The following PPA1 variants were observed in gnomAD, a reference collection of about 807,000 sequenced individuals.
PPA1 encodes the protein inorganic pyrophosphatase.
In PPA1, 23 loss-of-function variants were observed where a neutral mutation model predicts 41.8. The ratio of observed to expected loss-of-function variants is 0.55; its 90% CI spans 0.40 to 0.78. The LOEUF (loss-of-function observed/expected upper bound fraction) is 0.78. Among genes scored for constraint, PPA1 ranks in the 30% least tolerant of loss-of-function variants. The pLI is 0.00. For missense variants in PPA1, 320 were observed against 361.6 expected, an observed-to-expected ratio of 0.89 and a Z score of 0.93; for synonymous variants, 101 against 116.8, an observed-to-expected ratio of 0.86 and a Z score of 0.87.
chr10:70,213,228 G>C (rs1840042194), intron 6 of PPA1, among the ~76,000 whole-genome samples: 1 of 152,010 alleles, frequency 6.6e-6, no homozygotes, highest in Admixed American at 6.6e-5. Context: ...ATGTGGGGAA[G>C]GAAAGGACCA....
At chr10:70,221,080 T>TATATATATATATATATATA (rs1840161942) in intron 2 of PPA1, among the ~76,000 whole-genome samples, 1 of 13,030 alleles carries the variant, frequency 7.7e-5, no homozygotes, top group African/African-American at 3.2e-4. Context: ...ATATATATTT[T>TATATATATATATATATATA]TTTTTTTTTT....
Position 70,218,769 on chromosome 10 carries a change from T to C in PPA1, c.172A>G (p.Met58Val). 2 of 1,608,482 alleles carry C rather than the reference T, an allele frequency of 1.2e-6. No homozygotes were observed. Among genetic ancestry groups the C allele is most frequent in the Non-Finnish European group, 1.7e-6 (2 of 1,175,110 alleles). The change falls in exon 3 of 11, where the codon ATG becomes GTG. Residue 58 changes from methionine to valine, a missense_variant. Coordinates refer to ENST00000373232, the MANE Select transcript of PPA1 (RefSeq NM_021129.4). ...AATGTAAGGTGAAATATTACCTCCA[T>C]TTTTGCATTAGACCAGCGTGGTACT... ...VEVPRWSNAK[M>V]EIATKDPLNP... is the part of the protein sequence containing the mutation.
intron 3 of PPA1, 50 bp downstream of exon 3, chr10:70,218,714 G>T (rs751529718): frequency 1.4e-6 from 2 of 1,425,398 alleles, no homozygotes; most frequent in Admixed American, 1.7e-5. Flanking sequence ...AGTGTGACTA[G>T]ATCAAAACCA....
rs771302795 is a variant in PPA1 at position 70,209,601 on chromosome 10, T to A, written c.596A>T (p.Lys199Ile). 2 of 1,607,218 alleles carry A rather than the reference T, an allele frequency of 1.2e-6. No individual in the cohort carries two copies. Among genetic ancestry groups the A allele is most frequent in the Admixed American group, 3.5e-5 (2 of 57,824 alleles). ...WFRRYKVPDG[K>I]PENEFAFNAE... ...ATTAAACGCAAACTCATTTTCTGGT[T>A]TTCCATCAGGAACCTTATACCTTCT... The change falls in exon 7 of 11, where the codon AAA (lysine) becomes ATA (isoleucine). Residue 199 changes from lysine (K) to isoleucine (I), a missense_variant. By Grantham distance (102) the Lys-to-Ile change is moderately radical (BLOSUM62 -3). Coordinates refer to ENST00000373232, the MANE Select transcript of PPA1 (RefSeq NM_021129.4).
At chr10:70,226,458 C>CT (rs1189235843) in intron 2 of PPA1, among the ~76,000 whole-genome samples, 4 of 151,560 alleles carry the variant, frequency 2.6e-5, no homozygotes, top group Non-Finnish European at 5.9e-5. Context: ...ACTCAGGAGA[C>CT]TGAGGTGGGA....
intron 2 of PPA1, among the ~76,000 whole-genome samples, chr10:70,223,894 C>T (rs1038720204): frequency 1.3e-5 from 2 of 152,144 alleles, no homozygotes; most frequent in East Asian, 1.9e-4. Context: ...TAGGACTTCC[C>T]AGAACTCCAT....
At chr10:70,220,424 G>A (rs1280389191) in intron 2 of PPA1, among the ~76,000 whole-genome samples, 1 of 135,670 alleles carries the variant, frequency 7.4e-6, no homozygotes, top group Non-Finnish European at 1.5e-5. Flanking sequence ...AGCTAATTGT[G>A]TGTGTGTGTA....
chr10:70,210,045 A>T, intron 6 of PPA1: 1 of 312,896 alleles, frequency 3.2e-6, no homozygotes, highest in Non-Finnish European at 6.1e-6. Context: ...GATAATTCCT[A>T]TGAGAAGTGT....
In PPA1 at chr10:70,204,898, T is replaced by G; in HGVS notation, c.813A>C (p.Glu271Asp). The change falls in exon 10 of 11, where the codon GAA (glutamate) becomes GAC (aspartate). Residue 271 changes from glutamate (E) to aspartate (D), a missense_variant. Transcript: ENST00000373232. ...AIVDALPPPC[E>D]SACTVPTDVD... The stretch of plus-strand genomic sequence containing the variant: ...CGTCTGTTGGTACTGTGCAGGCAGA[T>G]TCACAGGGTGGTGGTAACTAAAATA... The G allele has an allele frequency of 6.3e-7, 1 of 1,596,642 alleles. No homozygotes were observed. Among genetic ancestry groups the G allele is most frequent in the Non-Finnish European group, 8.6e-7 (1 of 1,167,938 alleles).
chr10:70,222,549 T>C (rs10999196), intron 2 of PPA1, among the ~76,000 whole-genome samples: 36,665 of 152,022 alleles, frequency 0.24, 5,479 homozygotes, highest in Non-Finnish European at 0.33. Context: ...AATCAGGTAC[T>C]TCCTGCTGGT....
In PPA1 at chr10:70,206,283, G is replaced by A; in HGVS notation, c.776C>T (p.Ala259Val). The change falls in exon 9 of 11, where the codon GCC (alanine) becomes GTC (valine). Residue 259 changes from alanine to valine, a missense_variant. Physicochemically the swap from Ala to Val is moderately conservative, Grantham distance 64. Coordinates refer to ENST00000373232, the MANE Select transcript of PPA1 (RefSeq NM_021129.4). ...ACATACAGCATCCACAATGGCTCTG[G>A]CAGCATCAGGATCACACTTGAAGGG... ...ESPFKCDPDAARAIVDALPPP... is the reference protein window; with the variant it reads ...ESPFKCDPDAVRAIVDALPPP... 6.2e-7 allele frequency: 1 copy of A among 1,613,118 alleles called. No homozygotes were observed. Among genetic ancestry groups the A allele is most frequent in the Non-Finnish European group, 8.5e-7 (1 of 1,179,238 alleles).
At chr10:70,212,923 G>C (rs1302399304) in intron 6 of PPA1, among the ~76,000 whole-genome samples, 1 of 151,788 alleles carries the variant, frequency 6.6e-6, no homozygotes, top group Non-Finnish European at 1.5e-5. Flanking sequence ...AGACACAGAG[G>C]CCACCTATAT....
chr10:70,207,292 C>A (rs1839956691), intron 8 of PPA1, among the ~76,000 whole-genome samples: 2 of 152,010 alleles, frequency 1.3e-5, no homozygotes, highest in South Asian at 4.1e-4. Flanking sequence ...AATAGTTTAT[C>A]CTTCTTTGCA....
intron 1 of PPA1, among the ~76,000 whole-genome samples, chr10:70,232,954 C>T (rs1010751780): frequency 6.6e-6 from 1 of 152,104 alleles, no homozygotes; most frequent in Non-Finnish European, 1.5e-5. Context: ...CGGTGATTTC[C>T]TTTTCCCAAC....
rs528280964 is a variant in PPA1, at chr10:70,220,237, A to G, written c.124-1420T>C. Among the ~76,000 whole-genome samples, 36 of 139,702 alleles carry G rather than the reference A, an allele frequency of 2.6e-4. No homozygotes were observed. In the South Asian group the frequency reaches 5.5e-3, roughly 21 times the overall value. The allele number at this position is 139,702 out of a possible 152,430, so 91.6% of individuals were successfully genotyped here. On this transcript the variant is annotated intron_variant, in intron 2 of 10. Transcript: ENST00000373232. ...AAGCCACCGCACCTGGCCTGCAATT[A>G]TGCTTATAAAAAGTACTTTTTTTTT...
intron 2 of PPA1, among the ~76,000 whole-genome samples, chr10:70,225,006 C>T (rs1258514109): frequency 6.6e-6 from 1 of 152,208 alleles, no homozygotes; most frequent in Non-Finnish European, 1.5e-5. Context: ...GTTGGGATTA[C>T]AGGCATGAGC....
chr10:70,233,251 C>T lies in PPA1; in HGVS notation c.64+13G>A, dbSNP rs1840312641. ...GGACGGGCGCGGAGGGGCCACGGGC[C>T]GCAGACACTCACTGAGGAAGACTCG... On this transcript the variant is annotated intron_variant, in intron 1 of 10. Coordinates refer to ENST00000373232, the MANE Select transcript of PPA1 (RefSeq NM_021129.4). 1.3e-6 allele frequency: 2 copies of T among 1,535,822 alleles called. No individual in the cohort carries two copies. The highest frequency in any genetic ancestry group is 1.8e-6 in the Non-Finnish European group (2 of 1,141,824).
Position 70,220,384 on chromosome 10 carries a change from C to T in PPA1, c.124-1567G>A, listed in dbSNP as rs367905376. 1.1e-4 allele frequency among the ~76,000 whole-genome samples: 16 copies of T among 142,410 alleles called. No individual in the cohort carries two copies. The East Asian group carries it at 2.4e-3, about 21-fold the overall frequency. 93.4% of individuals were successfully genotyped at this position (142,410 alleles called of 152,430 possible). A position where few individuals can be genotyped will look rare whatever the true frequency, so the allele number is the denominator to read the frequency against. ...CTTCCCATCTCAGCCTCCTGAGTAG[C>T]TGGAGCTACAGATGCATGCCACCAC... On this transcript the variant is annotated intron_variant, in intron 2 of 10. Coordinates refer to ENST00000373232, the MANE Select transcript of PPA1 (RefSeq NM_021129.4).
In PPA1 at chr10:70,220,761, ATT is replaced by A. The variant is rs1412764807; in HGVS notation, c.124-1946_124-1945del. On this transcript the variant is annotated intron_variant, in intron 2 of 10. Coordinates refer to ENST00000373232, the MANE Select transcript of PPA1 (RefSeq NM_021129.4). ...AATTTATATATATATAATATATATA[ATT>A]TATATATATATAATATATATAATTT... Among the ~76,000 whole-genome samples, 7 of 9,310 alleles carry A rather than the reference ATT, an allele frequency of 7.5e-4. 2 individuals are homozygous for A. Among genetic ancestry groups the A allele is most frequent in the African/African-American group, 2.3e-3 (7 of 3,000 alleles). 6.1% of individuals were successfully genotyped at this position (9,310 alleles called of 152,430 possible). A position where few individuals can be genotyped will look rare whatever the true frequency, so the allele number is the denominator to read the frequency against.
Sources: allele counts gnomAD v4.1 joint callset (sites outside exome capture counted in the v4.1 genomes callset), GRCh38; gene constraint gnomAD v4.1.1; transcripts MANE v1.5; gene names NCBI Gene and HGNC (gene_info 2026-07-23, HGNC 2026-07-21).